The following RPL13A variants were observed in gnomAD, a reference collection of about 807,000 sequenced individuals.
RPL13A encodes large ribosomal subunit protein uL13.
A neutral mutation model predicts 30.8 loss-of-function variants in RPL13A; 4 were observed. That is an observed-to-expected ratio of 0.13 (90% CI 0.06 to 0.30). The LOEUF (loss-of-function observed/expected upper bound fraction) is 0.30. Ranked by LOEUF, RPL13A falls within the 10% of genes least tolerant of loss-of-function variation. The pLI is 1.00. For synonymous variants in RPL13A, 108 were observed against 104.2 expected, an observed-to-expected ratio of 1.04 and a Z score of -0.22; for missense variants, 196 against 272.6, an observed-to-expected ratio of 0.72 and a Z score of 1.98.
intron 2 of RPL13A, 129 bp downstream of exon 2, chr19:49,490,051 A>T (rs1410704407): frequency 1.0e-6 from 1 of 1,004,168 alleles, no homozygotes; most frequent in South Asian, 1.3e-5. Context: ...GAGACCTGCC[A>T]GCCACTCTTC....
chr19:49,492,027 C>G lies in RPL13A; in HGVS notation c.*212C>G. 3.7e-6 allele frequency: 2 copies of G among 537,542 alleles called. No homozygotes were observed. The highest frequency in any genetic ancestry group is 6.7e-6 in the Non-Finnish European group (2 of 298,526). 33.3% of individuals were successfully genotyped at this position (537,542 alleles called of 1,614,324 possible). A position where few individuals can be genotyped will look rare whatever the true frequency, so the allele number is the denominator to read the frequency against. ...TGTGCAGGTGTCATTTATCTATGAC[C>G]AATAGGAAGAGCAACCAGTTACTAT... On this transcript the variant is annotated 3_prime_UTR_variant, in exon 8 of 8. Transcript: ENST00000391857.
chr19:49,491,406 C>CAA lies in RPL13A; in HGVS notation c.403-19_403-18insAA. On this transcript the variant is annotated intron_variant, in intron 6 of 7. Transcript: ENST00000391857. ...TCCTTACAACTTCATTTGTTCACCCCCCCCCCCCCCCCCCGCAGTTTGCCT... is the reference window on the plus strand; with the variant it reads ...TCCTTACAACTTCATTTGTTCACCCCAACCCCCCCCCCCCCCGCAGTTTGCCT... The CAA allele has an allele frequency of 4.2e-6, 1 of 237,292 alleles. No individual in the cohort carries two copies. Among genetic ancestry groups the CAA allele is most frequent in the African/African-American group, 4.9e-5 (1 of 20,216 alleles). The allele number at this position is 237,292 out of a possible 1,614,324, so 14.7% of individuals were successfully genotyped here.
In RPL13A at chr19:49,490,186, G is replaced by C. The variant is rs149515283; in HGVS notation, c.89-46G>C. The C allele has an allele frequency of 1.9e-4, 305 of 1,577,866 alleles. No homozygotes were observed. In the Middle Eastern group the frequency reaches 2.5e-3, roughly 13 times the overall value. ...GAGGGTGACTGCATAGGCAGTGGTG[G>C]GACCCTCAGGCGGCTCGGCCCTGCT... On this transcript the variant is annotated intron_variant, in intron 2 of 7. Coordinates refer to ENST00000391857, the MANE Select transcript of RPL13A (RefSeq NM_012423.4).
chr19:49,489,918 G>T lies in RPL13A; in HGVS notation c.84G>T (p.Leu28=), dbSNP rs1169016272. 6.2e-7 allele frequency: 1 copy of T among 1,613,228 alleles called. No homozygotes were observed. The highest frequency in any genetic ancestry group is 8.5e-7 in the Non-Finnish European group (1 of 1,179,282). Residue 28 remains leucine (L), a synonymous_variant, in exon 2 of 8, where the codon CTG becomes CTT. Coordinates refer to ENST00000391857, the MANE Select transcript of RPL13A (RefSeq NM_012423.4). ...CGGCCATCGTGGCTAAACAGGTACT[G>T]CTGGGTAAGTCGCTGCTCGTGGCCC... The part of the protein sequence containing the change: ...RLAAIVAKQV[L]LGRKVVVVRC...
rs2079847544 is a variant in RPL13A at position 49,489,932 on chromosome 19, T to C, written c.88+10T>C. 1 of 1,610,642 alleles carries C rather than the reference T, an allele frequency of 6.2e-7. No homozygotes were observed. The highest frequency in any genetic ancestry group is 1.1e-5 in the South Asian group (1 of 91,040). On this transcript the variant is annotated intron_variant, in intron 2 of 7. Transcript: ENST00000391857. The stretch of plus-strand genomic sequence containing the variant: ...AAACAGGTACTGCTGGGTAAGTCGC[T>C]GCTCGTGGCCCCTCTGTCATGGGCC...
chr19:49,490,649 C>T (rs771769638), intron 4 of RPL13A, 73 bp downstream of exon 4: 16 of 1,576,626 alleles, frequency 1.0e-5, no homozygotes, highest in South Asian at 1.0e-4. Context: ...CACTCACATT[C>T]GAGTTTCCCG....
intron 1 of RPL13A, among the ~76,000 whole-genome samples, chr19:49,489,216 TTGGCCACAG>T (rs2079840115): frequency 6.6e-6 from 1 of 152,192 alleles, no homozygotes; most frequent in Non-Finnish European, 1.5e-5. Context: ...CTACAATTGA[TTGGCCACAG>T]TGGCTCAAGC....
intron 3 of RPL13A, 76 bp downstream of exon 3, chr19:49,490,373 G>T: frequency 6.3e-7 from 1 of 1,587,880 alleles, no homozygotes; most frequent in Non-Finnish European, 8.6e-7. Flanking sequence ...AATTGCAGCC[G>T]TGTTGGGAGA....
chr19:49,489,298 G>A (rs1015758411), intron 1 of RPL13A, among the ~76,000 whole-genome samples: 1 of 152,046 alleles, frequency 6.6e-6, no homozygotes, highest in Admixed American at 6.6e-5. Context: ...GAGTACAAGA[G>A]CAGCCTAGGC....
chr19:49,490,010 C>G (rs750938925), intron 2 of RPL13A, 88 bp downstream of exon 2: 3 of 1,168,060 alleles, frequency 2.6e-6, no homozygotes, highest in African/African-American at 1.5e-5. Context: ...TTGAGTCTCA[C>G]GGCCATGAGA....
At chr19:49,488,387 TTG>T (rs1257471197) in intron 1 of RPL13A, among the ~76,000 whole-genome samples, 2 of 152,192 alleles carry the variant, frequency 1.3e-5, no homozygotes, top group African/African-American at 4.8e-5. Context: ...AAAGGTTTCT[TTG>T]TGAGTAGTCT....
In RPL13A at chr19:49,491,407, C is replaced by T. The variant is rs771767614; in HGVS notation, c.403-18C>T. ...CCTTACAACTTCATTTGTTCACCCCCCCCCCCCCCCCCCGCAGTTTGCCTA... is the reference window on the plus strand; with the variant it reads ...CCTTACAACTTCATTTGTTCACCCCTCCCCCCCCCCCCCGCAGTTTGCCTA... On this transcript the variant is annotated intron_variant, in intron 6 of 7. Transcript: ENST00000391857. 8.1e-5 allele frequency: 25 copies of T among 307,150 alleles called. No individual in the cohort carries two copies. The highest frequency in any genetic ancestry group is 2.9e-4 in the East Asian group (3 of 10,246). 19.0% of individuals were successfully genotyped at this position (307,150 alleles called of 1,614,324 possible). A position where few individuals can be genotyped will look rare whatever the true frequency, so the allele number is the denominator to read the frequency against.
At chr19:49,491,144 G>C (rs370831344) in intron 6 of RPL13A, 45 bp downstream of exon 6, 25 of 1,603,678 alleles carry the variant, frequency 1.6e-5, no homozygotes, top group Middle Eastern at 1.7e-4. Flanking sequence ...GAGATTTCAG[G>C]CCTGCTGAGG....
Position 49,491,891 on chromosome 19 carries a change from GGGGCAGCAGCAGTCCAGGTGCCAC to G in RPL13A, c.*77_*100del, listed in dbSNP as rs2079875473. Reference sequence around the variant, plus strand: ...GTTGCCCTGGAATGTACGGGACCCAGGGGCAGCAGCAGTCCAGGTGCCACAGGCAGCCCTGGGACATAGGAAGCT... The same window carrying G: ...GTTGCCCTGGAATGTACGGGACCCAGAGGCAGCCCTGGGACATAGGAAGCT... On this transcript the variant is annotated 3_prime_UTR_variant, in exon 8 of 8. Coordinates refer to ENST00000391857, the MANE Select transcript of RPL13A (RefSeq NM_012423.4). 8.2e-7 allele frequency: 1 copy of G among 1,219,268 alleles called. No individual in the cohort carries two copies. Among genetic ancestry groups the G allele is most frequent in the East Asian group, 2.4e-5 (1 of 41,340 alleles). 75.5% of individuals were successfully genotyped at this position (1,219,268 alleles called of 1,614,324 possible).
At chr19:49,488,644 C>CA (rs1412364996) in intron 1 of RPL13A, among the ~76,000 whole-genome samples, 6 of 152,242 alleles carry the variant, frequency 3.9e-5, no homozygotes, top group Non-Finnish European at 8.8e-5. Flanking sequence ...CCAACGCTTA[C>CA]AAAGCATGTG....
In RPL13A at chr19:49,488,154, C is replaced by T. The variant is rs191572348; in HGVS notation, c.15+510C>T. 1.4e-4 allele frequency among the ~76,000 whole-genome samples: 22 copies of T among 152,260 alleles called. No homozygotes were observed. The East Asian group carries it at 1.7e-3, about 12-fold the overall frequency. On this transcript the variant is annotated intron_variant, in intron 1 of 7. Transcript: ENST00000391857. ...CTCCGGTTCTTTTAATTCTCAATGCCTTTCTGCGGGGGGTCGAGAGCTGTT... is the reference window on the plus strand; with the variant it reads ...CTCCGGTTCTTTTAATTCTCAATGCTTTTCTGCGGGGGGTCGAGAGCTGTT...
intron 1 of RPL13A, among the ~76,000 whole-genome samples, chr19:49,487,990 G>A (rs939911128): frequency 2.6e-5 from 4 of 152,056 alleles, no homozygotes; most frequent in African/African-American, 9.7e-5. Flanking sequence ...TCAGCGATGA[G>A]GAACACGCGG....
At position 49,490,495 on chromosome 19, in the gene RPL13A, C is replaced by T. The variant is rs377252495; in HGVS notation, c.175C>T (p.Arg59Cys). Residue 59 changes from arginine to cysteine, a missense_variant, in exon 4 of 8, where the codon CGC (arginine) becomes TGC (cysteine). Physicochemically the swap from Arg to Cys is radical, Grantham distance 180. Coordinates refer to ENST00000391857, the MANE Select transcript of RPL13A (RefSeq NM_012423.4). Reference sequence around the variant, plus strand: ...CCTAGTGAAGTACCTGGCTTTCCTCCGCAAGCGGATGAACACCAACCCTTC... The same window carrying T: ...CCTAGTGAAGTACCTGGCTTTCCTCTGCAAGCGGATGAACACCAACCCTTC... Reference protein sequence around the residue: ...RNKLKYLAFLRKRMNTNPSRG... With the variant: ...RNKLKYLAFLCKRMNTNPSRG... 36 of 1,614,080 alleles carry T rather than the reference C, an allele frequency of 2.2e-5. No homozygotes were observed. The highest frequency in any genetic ancestry group is 6.7e-5 in the East Asian group (3 of 44,898).
intron 4 of RPL13A, 32 bp from the exon 5 acceptor site, chr19:49,490,745 CCT>C: frequency 6.2e-7 from 1 of 1,613,316 alleles, no homozygotes; most frequent in African/African-American, 1.3e-5. Context: ...CTTATGAGGC[CCT>C]CTGACTGGGC....
Sources: gnomAD v4.1 joint callset for allele counts (sites outside exome capture counted in the v4.1 genomes callset) on GRCh38, gnomAD v4.1.1 for gene constraint, MANE v1.5 for transcripts, NCBI Gene and HGNC (gene_info 2026-07-23, HGNC 2026-07-21) for gene names.